COX15: variants seen among roughly 807,000 people sequenced by gnomAD.
COX15 encodes heme A synthase COX15.
A neutral mutation model predicts 51.9 loss-of-function variants in COX15; 51 were observed. The observed-to-expected ratio is 0.98, with a 90% CI of 0.78 to 1.24. The LOEUF (loss-of-function observed/expected upper bound fraction) is 1.24. COX15 is among the 50% of genes most tolerant of loss of function. The pLI is 0.00. For missense variants in COX15, 420 were observed against 501.1 expected (o/e 0.84, Z 1.55); for synonymous variants, 188 against 190.5 (o/e 0.99, Z 0.11).
In COX15 at chr10:99,721,048, G is replaced by T; in HGVS notation, c.771C>A (p.Leu257=). The T allele has an allele frequency of 6.2e-7, 1 of 1,613,490 alleles. No homozygotes were observed. The highest frequency in any genetic ancestry group is 8.5e-7 in the Non-Finnish European group (1 of 1,179,820). The change falls in exon 6 of 9, where the codon CTC becomes CTA. Residue 257 remains leucine, a synonymous_variant. Transcript: ENST00000016171. ...CATGAGCAAATCGTCTCAACTGTAG[G>T]AGTTGGTGGGTTTCAGGCAACTAAA... The part of the protein sequence containing the change: ...PPHKLPETHQ[L]LQLRRFAHGT...
chr10:99,710,130 T>A, downstream of COX15: 2 of 985,452 alleles, frequency 2.0e-6, no homozygotes, highest in African/African-American at 1.7e-5. Flanking sequence ...TACCCTCTGG[T>A]GGCCACTCCT....
At chr10:99,715,673 T>G (rs1276730271) in intron 8 of COX15, among the ~76,000 whole-genome samples, 1 of 152,020 alleles carries the variant, frequency 6.6e-6, no homozygotes, top group Admixed American at 6.6e-5. Flanking sequence ...CCAAATTGCC[T>G]TCTGGAAAAA....
At chr10:99,708,853 G>C (rs2036303011), downstream of COX15, 3 of 985,246 alleles carry the variant, frequency 3.0e-6, no homozygotes, top group South Asian at 1.4e-4. Context: ...ACAATGAAAT[G>C]CTCATTAACA....
rs984229270 is a variant in COX15, at chr10:99,713,051, A to G, written c.*1536T>C. 52 of 1,174,236 alleles carry G rather than the reference A, an allele frequency of 4.4e-5. No individual in the cohort carries two copies. In the Admixed American group the frequency reaches 2.0e-3, roughly 45 times the overall value. The allele number at this position is 1,174,236 out of a possible 1,614,324, so 72.7% of individuals were successfully genotyped here. On this transcript the variant is annotated 3_prime_UTR_variant, in exon 9 of 9. Coordinates refer to ENST00000016171, the MANE Select transcript of COX15 (RefSeq NM_078470.6). ...CTGGATACACACTTAGTGGCCATCA[A>G]TATCTTGCTTAAATTTGGTACCCAG...
intron 1 of COX15, 38 bp from the exon 2 acceptor site, chr10:99,729,772 A>G (rs749283196): frequency 7.5e-6 from 12 of 1,606,504 alleles, no homozygotes; most frequent in Admixed American, 1.7e-5. Context: ...CTGGAGAAAC[A>G]GGGAATGGCT....
At chr10:99,710,267 A>G, downstream of COX15, 2 of 985,428 alleles carry the variant, frequency 2.0e-6, no homozygotes, top group Non-Finnish European at 2.4e-6. Flanking sequence ...TTCTGCAAGC[A>G]GGGATCCCAG....
the COX15 span, among the ~76,000 whole-genome samples, chr10:99,700,502 CTGTTT>C: frequency 2.0e-5 from 3 of 151,550 alleles, no homozygotes; most frequent in Non-Finnish European, 4.4e-5. Context: ...GAATTTTTGT[CTGTTT>C]TATTTACTGC....
At position 99,712,004 on chromosome 10, in the gene COX15, G is replaced by C. The variant is rs1408995808; in HGVS notation, c.*2583C>G. On this transcript the variant is annotated 3_prime_UTR_variant, in exon 9 of 9. Coordinates refer to ENST00000016171, the MANE Select transcript of COX15 (RefSeq NM_078470.6). Reference sequence around the variant, plus strand: ...TGTCACATGGTGAGAGAGAGCAAGCGAGAGAGGAGGAAGTTCCAGGCTCTT... The same window carrying C: ...TGTCACATGGTGAGAGAGAGCAAGCCAGAGAGGAGGAAGTTCCAGGCTCTT... 3.5e-6 allele frequency: 1 copy of C among 282,698 alleles called. No homozygotes were observed. Among genetic ancestry groups the C allele is most frequent in the Non-Finnish European group, 5.3e-6 (1 of 187,596 alleles). 17.5% of individuals were successfully genotyped at this position (282,698 alleles called of 1,614,324 possible). A position where few individuals can be genotyped will look rare whatever the true frequency, so the allele number is the denominator to read the frequency against.
chr10:99,730,427 T>C (rs544664165), intron 1 of COX15, among the ~76,000 whole-genome samples: 1 of 152,088 alleles, frequency 6.6e-6, no homozygotes, highest in African/African-American at 2.4e-5. Flanking sequence ...TTACCAAAAA[T>C]ACAAAAATTA....
chr10:99,709,829 G>T (rs951883284), downstream of COX15: 8 of 985,074 alleles, frequency 8.1e-6, no homozygotes, highest in East Asian at 9.1e-4. Flanking sequence ...CAGTTTGTCA[G>T]TACCGTTATC....
downstream of COX15, among the ~76,000 whole-genome samples, chr10:99,706,791 T>C (rs536367330): frequency 3.0e-4 from 45 of 152,362 alleles, no homozygotes; most frequent in African/African-American, 1.0e-3. Flanking sequence ...ATGTTTTAGC[T>C]GCCTACTCAG....
chr10:99,716,758 A>G (rs572779710), intron 7 of COX15: 5 of 347,472 alleles, frequency 1.4e-5, no homozygotes, highest in African/African-American at 1.1e-4. Context: ...TGTCCCCCTC[A>G]TTTTTAATTC....
chr10:99,730,858 C>G (rs1010221886), intron 1 of COX15, among the ~76,000 whole-genome samples: 1 of 152,134 alleles, frequency 6.6e-6, no homozygotes, highest in South Asian at 2.1e-4. Flanking sequence ...GCCAGTAGTT[C>G]GAGACCAGCC....
At position 99,717,606 on chromosome 10, in the gene COX15, C is replaced by A. The variant is rs375568985; in HGVS notation, c.987+740G>T. Among the ~76,000 whole-genome samples the A allele has an allele frequency of 9.2e-4, 140 of 152,148 alleles. 2 individuals carry two copies. Among genetic ancestry groups the A allele is most frequent in the South Asian group, 7.5e-3 (36 of 4,812 alleles). ...GTAACGTGATCACAGCTTACTGCAG[C>A]CTCAAACTCCTGCTCAAACAATCCT... On this transcript the variant is annotated intron_variant, in intron 7 of 8. Coordinates refer to ENST00000016171, the MANE Select transcript of COX15 (RefSeq NM_078470.6).
rs1834654040 is a variant in COX15 at position 99,711,891 on chromosome 10, C to T, written c.*2696G>A. On this transcript the variant is annotated 3_prime_UTR_variant, in exon 9 of 9. Coordinates refer to ENST00000016171, the MANE Select transcript of COX15 (RefSeq NM_078470.6). ...ATTTGGCTCACTGTTCTGCATAGAACTGTATAGGAAGCATGGCGCTGGCAT... is the reference window on the plus strand; with the variant it reads ...ATTTGGCTCACTGTTCTGCATAGAATTGTATAGGAAGCATGGCGCTGGCAT... 1.1e-6 allele frequency: 1 copy of T among 919,454 alleles called. No homozygotes were observed. The highest frequency in any genetic ancestry group is 6.2e-5 in the Admixed American group (1 of 16,194). The allele number at this position is 919,454 out of a possible 1,614,324, so 57.0% of individuals were successfully genotyped here.
chr10:99,694,543 T>TG, the COX15 span, among the ~76,000 whole-genome samples: 9 of 150,772 alleles, frequency 6.0e-5, 1 homozygote, highest in South Asian at 8.4e-4. Context: ...TTTTTGTTTT[T>TG]TTTTTTTTTT....
At chr10:99,728,815 C>A (rs184710395) in intron 2 of COX15, among the ~76,000 whole-genome samples, 1 of 152,284 alleles carries the variant, frequency 6.6e-6, no homozygotes, top group East Asian at 1.9e-4. Context: ...CTAGAGTTTC[C>A]TCAGCAACTA....
In COX15 at chr10:99,711,625, T is replaced by C. The variant is rs999974154; in HGVS notation, c.*2962A>G. 1.0e-6 allele frequency: 1 copy of C among 985,168 alleles called. No individual in the cohort carries two copies. The highest frequency in any genetic ancestry group is 1.7e-5 in the African/African-American group (1 of 57,374). 61.0% of individuals were successfully genotyped at this position (985,168 alleles called of 1,614,324 possible). On this transcript the variant is annotated 3_prime_UTR_variant, in exon 9 of 9. Coordinates refer to ENST00000016171, the MANE Select transcript of COX15 (RefSeq NM_078470.6). Reference sequence around the variant, plus strand: ...AATCACCTGGGGAACTTTAAAAATATGCCTTTTACTTCCTCCAGGGATTGT... The same window carrying C: ...AATCACCTGGGGAACTTTAAAAATACGCCTTTTACTTCCTCCAGGGATTGT...
the COX15 span, among the ~76,000 whole-genome samples, chr10:99,702,056 A>C: frequency 3.3e-5 from 5 of 151,824 alleles, no homozygotes; most frequent in South Asian, 4.2e-4. Context: ...CTCAAAAAAA[A>C]ACAAAAATTG....
Sources: allele counts gnomAD v4.1 joint callset (sites outside exome capture counted in the v4.1 genomes callset), GRCh38; gene constraint gnomAD v4.1.1; transcripts MANE v1.5; gene names NCBI Gene and HGNC (gene_info 2026-07-23, HGNC 2026-07-21).